The following LIN7A variants were observed in gnomAD, a reference collection of about 807,000 sequenced individuals.
LIN7A encodes protein lin-7 homolog A.
In LIN7A, 25 loss-of-function variants were observed where a neutral mutation model predicts 29.8. That is an observed-to-expected ratio of 0.84 (90% CI 0.61 to 1.17). LIN7A has a LOEUF of 1.17. Ranked by LOEUF, LIN7A falls within the 50% of genes most tolerant of loss-of-function variation. The pLI is 0.00. For missense variants in LIN7A, 239 were observed against 287.0 expected, an observed-to-expected ratio of 0.83 and a Z score of 1.21; for synonymous variants, 118 against 107.5, an observed-to-expected ratio of 1.10 and a Z score of -0.60.
At chr12:80,831,521 G>C (rs573969967) in intron 4 of LIN7A, among the ~76,000 whole-genome samples, 4 of 152,246 alleles carry the variant, frequency 2.6e-5, no homozygotes, top group South Asian at 4.1e-4. Context: ...TCCTTTTCTA[G>C]AAGAGTAAAC....
chr12:80,795,218 G>A lies in LIN7A; in HGVS notation c.*2509C>T, dbSNP rs1870392299. On this transcript the variant is annotated 3_prime_UTR_variant, in exon 6 of 6. Coordinates refer to ENST00000552864, the MANE Select transcript of LIN7A (RefSeq NM_004664.4). Reference sequence around the variant, plus strand: ...TTCTTCTGGCTTCAGTGAAACTTAAGAGAACCACAGGTGGCTTAAGTCTTA... The same window carrying A: ...TTCTTCTGGCTTCAGTGAAACTTAAAAGAACCACAGGTGGCTTAAGTCTTA... The A allele has an allele frequency of 6.6e-6, 1 of 152,072 alleles. No individual in the cohort carries two copies. Among genetic ancestry groups the A allele is most frequent in the African/African-American group, 2.4e-5 (1 of 41,430 alleles). 9.4% of individuals were successfully genotyped at this position (152,072 alleles called of 1,614,324 possible).
intron 2 of LIN7A, among the ~76,000 whole-genome samples, chr12:80,864,255 C>T (rs1359830039): frequency 6.6e-6 from 1 of 151,916 alleles, no homozygotes; most frequent in Non-Finnish European, 1.5e-5. Context: ...CTTGACCCCA[C>T]TGCTCTAACC....
chr12:80,891,193 T>C (rs1875607528), intron 1 of LIN7A, among the ~76,000 whole-genome samples: 1 of 152,148 alleles, frequency 6.6e-6, no homozygotes, highest in Non-Finnish European at 1.5e-5. Flanking sequence ...CTGGAACATC[T>C]CCTAACTGAT....
chr12:80,913,923 A>C (rs1231621968), intron 1 of LIN7A, among the ~76,000 whole-genome samples: 1 of 152,136 alleles, frequency 6.6e-6, no homozygotes, highest in Non-Finnish European at 1.5e-5. Context: ...TGCTTCTGAA[A>C]CTTGCCTCTA....
In LIN7A at chr12:80,931,530, C is replaced by T. The variant is rs559069716; in HGVS notation, c.82+6111G>A. On this transcript the variant is annotated intron_variant, in intron 1 of 5. Coordinates refer to ENST00000552864, the MANE Select transcript of LIN7A (RefSeq NM_004664.4). ...CTGGTGGTGTTGCCTGTTGCCTCCTCGGGAGGCTGAGGCCAGAGAATCGCT... is the reference window on the plus strand; with the variant it reads ...CTGGTGGTGTTGCCTGTTGCCTCCTTGGGAGGCTGAGGCCAGAGAATCGCT... Among the ~76,000 whole-genome samples the T allele has an allele frequency of 4.6e-5, 7 of 151,626 alleles. No individual in the cohort carries two copies. The East Asian group carries it at 1.2e-3, about 25-fold the overall frequency.
At chr12:80,908,798 G>A (rs1876612121) in intron 1 of LIN7A, among the ~76,000 whole-genome samples, 1 of 151,566 alleles carries the variant, frequency 6.6e-6, no homozygotes, top group Non-Finnish European at 1.5e-5. Flanking sequence ...CTTTAGTGAA[G>A]TATCTATACA....
chr12:80,858,922 C>T (rs897105571), intron 2 of LIN7A, among the ~76,000 whole-genome samples: 1 of 152,092 alleles, frequency 6.6e-6, no homozygotes, highest in Non-Finnish European at 1.5e-5. Flanking sequence ...ATTAGGGATA[C>T]ATTGTCATTG....
At chr12:80,842,218 C>A in intron 4 of LIN7A, 2 of 922,048 alleles carry the variant, frequency 2.2e-6, no homozygotes, top group South Asian at 1.6e-5. Context: ...ACTTTATAAC[C>A]TAACATTCCA....
intron 1 of LIN7A, among the ~76,000 whole-genome samples, chr12:80,900,059 C>G (rs1308232119): frequency 1.3e-5 from 2 of 152,092 alleles, no homozygotes; most frequent in East Asian, 1.9e-4. Context: ...GTGCATAGAG[C>G]TGTTCATAGT....
At chr12:80,863,512 TC>T (rs1217582565) in intron 2 of LIN7A, among the ~76,000 whole-genome samples, 1 of 152,178 alleles carries the variant, frequency 6.6e-6, no homozygotes, top group Non-Finnish European at 1.5e-5. Context: ...GCTTGAATTA[TC>T]CAGATTTCCC....
chr12:80,811,423 A>G lies in LIN7A; in HGVS notation c.*42T>C. 6 of 648,282 alleles carry G rather than the reference A, an allele frequency of 9.3e-6. No homozygotes were observed. The East Asian group carries it at 9.8e-5, about 11-fold the overall frequency. The allele number at this position is 648,282 out of a possible 1,614,324, so 40.2% of individuals were successfully genotyped here. On this transcript the variant is annotated intron_variant, in intron 5 of 5. Transcript: ENST00000552864. ...TATATACATATATGTGTGTGTGTATATATATATATATACTCCTTGTATAGA... is the reference window on the plus strand; with the variant it reads ...TATATACATATATGTGTGTGTGTATGTATATATATATACTCCTTGTATAGA...
At chr12:80,819,885 C>A (rs1315981898) in intron 4 of LIN7A, among the ~76,000 whole-genome samples, 1 of 152,196 alleles carries the variant, frequency 6.6e-6, no homozygotes, top group African/African-American at 2.4e-5. Context: ...TGTTTACAGA[C>A]AACAACAGCA....
At chr12:80,870,979 A>T (rs561021667) in intron 2 of LIN7A, among the ~76,000 whole-genome samples, 46 of 152,362 alleles carry the variant, frequency 3.0e-4, no homozygotes, top group African/African-American at 9.6e-4. Context: ...GGAAAGGTCA[A>T]TGCAAAATTC....
intron 5 of LIN7A, among the ~76,000 whole-genome samples, chr12:80,800,051 A>G (rs914190494): frequency 6.6e-6 from 1 of 152,188 alleles, no homozygotes; most frequent in African/African-American, 2.4e-5. Flanking sequence ...AAGGAAGAGA[A>G]GACACAAATT....
intron 2 of LIN7A, among the ~76,000 whole-genome samples, chr12:80,849,505 G>A (rs908604477): frequency 9.2e-5 from 14 of 152,022 alleles, no homozygotes; most frequent in African/African-American, 2.9e-4. Flanking sequence ...ACTTAATTGG[G>A]TCTCCCTGCC....
chr12:80,881,658 T>C (rs11114644), intron 2 of LIN7A, among the ~76,000 whole-genome samples: 2 of 151,910 alleles, frequency 1.3e-5, no homozygotes, highest in African/African-American at 2.4e-5. Context: ...TACACACACA[T>C]ATATATATGT....
chr12:80,892,282 A>G (rs571386174), intron 1 of LIN7A, among the ~76,000 whole-genome samples: 6 of 152,296 alleles, frequency 3.9e-5, no homozygotes, highest in Admixed American at 2.6e-4. Flanking sequence ...ACAAATATCA[A>G]GTGTTCAATG....
intron 4 of LIN7A, among the ~76,000 whole-genome samples, chr12:80,833,622 G>T (rs1389387162): frequency 6.6e-6 from 1 of 152,128 alleles, no homozygotes; most frequent in Admixed American, 6.5e-5. Context: ...ATGGCTTATG[G>T]TGTCTTCCAT....
intron 5 of LIN7A, among the ~76,000 whole-genome samples, chr12:80,806,535 AAC>A (rs1160144830): frequency 1.3e-5 from 2 of 152,242 alleles, no homozygotes; most frequent in East Asian, 3.8e-4. Context: ...CAGATAAAAA[AAC>A]ATATTATTTC....
Sources: allele counts gnomAD v4.1 joint callset (sites outside exome capture counted in the v4.1 genomes callset), GRCh38; gene constraint gnomAD v4.1.1; transcripts MANE v1.5; gene names NCBI Gene and HGNC (gene_info 2026-07-23, HGNC 2026-07-21).